SLC24A2: variants seen among roughly 807,000 people sequenced by gnomAD.
The protein encoded by SLC24A2 is sodium/potassium/calcium exchanger 2.
SLC24A2 carries 36 observed loss-of-function variants against 62.0 expected under a neutral mutation model. That is an observed-to-expected ratio of 0.58 (90% CI 0.44 to 0.77). The LOEUF (loss-of-function observed/expected upper bound fraction) is 0.77, where lower values mean the gene tolerates loss of function less well. Ranked by LOEUF, SLC24A2 falls within the 30% of genes least tolerant of loss-of-function variation. The pLI is 0.00. For missense variants in SLC24A2, 846 were observed against 817.9 expected (o/e 1.03, Z -0.42); for synonymous variants, 358 against 294.0 (o/e 1.22, Z -2.23).
chr9:20,019,759 G>T, the SLC24A2 span, among the ~76,000 whole-genome samples: 1 of 151,514 alleles, frequency 6.6e-6, no homozygotes, highest in Non-Finnish European at 1.5e-5. Flanking sequence ...CACAGCAAAA[G>T]AAACTATCAT....
chr9:20,011,403 G>T, the SLC24A2 span, among the ~76,000 whole-genome samples: 1 of 152,120 alleles, frequency 6.6e-6, no homozygotes, highest in Non-Finnish European at 1.5e-5. Context: ...CTGCATAAAT[G>T]TCTTCTTTTG....
At chr9:19,828,862 C>G in the SLC24A2 span, among the ~76,000 whole-genome samples, 1 of 152,120 alleles carries the variant, frequency 6.6e-6, no homozygotes, top group African/African-American at 2.4e-5. Context: ...GCTTGCTGCT[C>G]AGGCTCAGAG....
the SLC24A2 span, among the ~76,000 whole-genome samples, chr9:20,110,710 T>C: frequency 6.6e-6 from 1 of 152,252 alleles, no homozygotes; most frequent in Admixed American, 6.5e-5. Flanking sequence ...TAAATTATTT[T>C]AAGGGAAGGA....
At chr9:20,076,880 T>TATATAC in the SLC24A2 span, among the ~76,000 whole-genome samples, 72 of 120,554 alleles carry the variant, frequency 6.0e-4, 1 homozygote, top group East Asian at 0.015. Flanking sequence ...TATATATATA[T>TATATAC]ACATATCATA....
chr9:19,518,700 G>A (rs1833053806), intron 10 of SLC24A2, among the ~76,000 whole-genome samples: 1 of 152,156 alleles, frequency 6.6e-6, no homozygotes, highest in African/African-American at 2.4e-5. Context: ...GATTACAGGT[G>A]TGAGCCACTG....
At chr9:20,055,879 A>G in the SLC24A2 span, among the ~76,000 whole-genome samples, 6 of 152,122 alleles carry the variant, frequency 3.9e-5, no homozygotes, top group Non-Finnish European at 7.4e-5. Context: ...ACAGAGTGAG[A>G]CTCTGTCTCC....
At chr9:20,132,646 A>T in the SLC24A2 span, among the ~76,000 whole-genome samples, 2 of 152,076 alleles carry the variant, frequency 1.3e-5, no homozygotes, top group South Asian at 4.2e-4. Flanking sequence ...GGACTACCCA[A>T]TTCCACTCTG....
At chr9:20,084,498 C>T in the SLC24A2 span, among the ~76,000 whole-genome samples, 15 of 144,014 alleles carry the variant, frequency 1.0e-4, no homozygotes, top group Non-Finnish European at 2.0e-4. Context: ...CTCCCTCCCT[C>T]TCCCACCCCT....
At chr9:19,715,449 G>A (rs951708139) in intron 2 of SLC24A2, among the ~76,000 whole-genome samples, 41 of 152,194 alleles carry the variant, frequency 2.7e-4, no homozygotes, top group African/African-American at 9.9e-4. Context: ...ACAAAAAAAT[G>A]ATGGAACCCC....
At chr9:20,071,821 T>C in the SLC24A2 span, among the ~76,000 whole-genome samples, 5 of 152,256 alleles carry the variant, frequency 3.3e-5, no homozygotes, top group African/African-American at 1.2e-4. Context: ...TTCTGACCAA[T>C]AGTCTTCAAG....
the SLC24A2 span, among the ~76,000 whole-genome samples, chr9:20,051,757 T>G: frequency 6.1e-5 from 9 of 148,712 alleles, no homozygotes; most frequent in Admixed American, 1.4e-4. Context: ...CTGAAATGTA[T>G]GGTGCTCCTT....
the SLC24A2 span, among the ~76,000 whole-genome samples, chr9:19,807,068 A>C: frequency 9.2e-5 from 14 of 152,222 alleles, no homozygotes; most frequent in African/African-American, 3.4e-4. Flanking sequence ...CTAATTTTAC[A>C]CTACATCTTA....
intron 2 of SLC24A2, among the ~76,000 whole-genome samples, chr9:19,739,181 A>C (rs879365887): frequency 6.6e-6 from 1 of 152,232 alleles, no homozygotes; most frequent in Non-Finnish European, 1.5e-5. Context: ...GCTACAAAAA[A>C]CTACATTATT....
chr9:19,578,428 C>G (rs1836099397), intron 5 of SLC24A2, among the ~76,000 whole-genome samples: 1 of 149,056 alleles, frequency 6.7e-6, no homozygotes, highest in Non-Finnish European at 1.5e-5. Context: ...TTCTTTTTAT[C>G]CTTTATTTTC....
intron 7 of SLC24A2, among the ~76,000 whole-genome samples, chr9:19,550,541 G>A (rs1442912965): frequency 6.6e-6 from 1 of 152,152 alleles, no homozygotes; most frequent in Non-Finnish European, 1.5e-5. Context: ...TTCAACTGGA[G>A]TGGGCTACAA....
At chr9:20,285,797 G>A in the SLC24A2 span, among the ~76,000 whole-genome samples, 70 of 152,268 alleles carry the variant, frequency 4.6e-4, no homozygotes, top group African/African-American at 1.7e-3. Context: ...GTCTATATAA[G>A]AAGGGGAGAC....
chr9:19,588,178 CTTTTTTT>C (rs3085622), intron 5 of SLC24A2, among the ~76,000 whole-genome samples: 1 of 121,700 alleles, frequency 8.2e-6, no homozygotes, highest in African/African-American at 3.1e-5. Flanking sequence ...TTCTTTTTTT[CTTTTTTT>C]TTTTTTTTTC....
rs573320412 is a variant in SLC24A2 at position 19,738,607 on chromosome 9, T to G, written c.930+47330A>C. On this transcript the variant is annotated intron_variant, in intron 2 of 10. Coordinates refer to ENST00000341998, the MANE Select transcript of SLC24A2 (RefSeq NM_020344.4). ...ATATAGAAAAGTATCATTATTATTT[T>G]CAAATAAACTATTTGAATTAATAAC... 8.5e-5 allele frequency among the ~76,000 whole-genome samples: 13 copies of G among 152,256 alleles called. No homozygotes were observed. The South Asian group carries it at 2.5e-3, about 29-fold the overall frequency.
the SLC24A2 span, among the ~76,000 whole-genome samples, chr9:19,839,484 T>C: frequency 9.2e-5 from 14 of 152,206 alleles, no homozygotes; most frequent in African/African-American, 3.4e-4. Flanking sequence ...TCTTTTTTTT[T>C]CTGTATTTCT....
Sources: gnomAD v4.1 joint callset for allele counts (sites outside exome capture counted in the v4.1 genomes callset) on GRCh38, gnomAD v4.1.1 for gene constraint, MANE v1.5 for transcripts, NCBI Gene and HGNC (gene_info 2026-07-23, HGNC 2026-07-21) for gene names.